Variants in KAZN observed in about 807,000 individuals in gnomAD.
KAZN encodes kazrin, periplakin interacting protein, also known as kazrin.
Under a neutral mutation model 87.4 loss-of-function variants are expected in KAZN, and 40 were observed. That is an observed-to-expected ratio of 0.46 (90% CI 0.36 to 0.60). The LOEUF is 0.60. KAZN is among the 20% of genes least tolerant of loss of function. The probability of loss-of-function intolerance (pLI) is 0.00; values close to 1 mark genes in which losing one functional copy is unlikely to be tolerated. For missense variants in KAZN, 898 were observed against 1,073.9 expected, an observed-to-expected ratio of 0.84 and a Z score of 2.29; for synonymous variants, 466 against 458.3, an observed-to-expected ratio of 1.02 and a Z score of -0.22.
intron 2 of KAZN, among the ~76,000 whole-genome samples, chr1:14,206,946 TTTC>T (rs1646758663): frequency 7.0e-6 from 1 of 143,716 alleles, no homozygotes; most frequent in African/African-American, 2.6e-5. Context: ...CATCCTTTCT[TTTC>T]TTCTTCTTTT....
At chr1:14,625,112 C>T (rs1208955491) in intron 1 of KAZN, among the ~76,000 whole-genome samples, 3 of 152,090 alleles carry the variant, frequency 2.0e-5, no homozygotes, top group Middle Eastern at 3.2e-3. Flanking sequence ...CCCCCGACAC[C>T]GCGTAGTCAT....
chr1:13,903,972 G>C (rs933837490), intron 1 of KAZN, among the ~76,000 whole-genome samples: 2 of 152,252 alleles, frequency 1.3e-5, no homozygotes, highest in Non-Finnish European at 2.9e-5. Flanking sequence ...CTCCAGGAAG[G>C]GATGCGAGCT....
At chr1:14,967,354 G>A (rs1664572135) in intron 2 of KAZN, among the ~76,000 whole-genome samples, 1 of 152,104 alleles carries the variant, frequency 6.6e-6, no homozygotes, top group African/African-American at 2.4e-5. Context: ...CCTCCAGATG[G>A]TCACTCTTCC....
intron 14 of KAZN, 39 bp downstream of exon 14, chr1:15,112,580 C>T (rs1415373199): frequency 6.8e-7 from 1 of 1,466,968 alleles, no homozygotes; most frequent in Non-Finnish European, 9.4e-7. Flanking sequence ...GTCCTGCAGA[C>T]CCGGGAAAGG....
In KAZN at chr1:14,794,318, T is replaced by C. The variant is rs547485955; in HGVS notation, c.227-166366T>C. Among the ~76,000 whole-genome samples the C allele has an allele frequency of 5.9e-5, 9 of 152,330 alleles. No individual in the cohort carries two copies. The South Asian group carries it at 1.7e-3, about 28-fold the overall frequency. ...TTCCTGTGGCATCCAGAATGAAACC[T>C]CAGCAACCATCCCTGGTAGAGTGTC... On this transcript the variant is annotated intron_variant, in intron 1 of 14. Transcript: ENST00000376030.
chr1:14,413,981 CAAG>C (rs1270426131), intron 2 of KAZN, among the ~76,000 whole-genome samples: 1 of 152,110 alleles, frequency 6.6e-6, no homozygotes, highest in Non-Finnish European at 1.5e-5. Flanking sequence ...CAAAGTAAAA[CAAG>C]GAGATCTTTT....
At chr1:14,874,642 A>G (rs1221338432) in intron 1 of KAZN, among the ~76,000 whole-genome samples, 1 of 152,198 alleles carries the variant, frequency 6.6e-6, no homozygotes, top group Non-Finnish European at 1.5e-5. Flanking sequence ...GTGTGCCAGA[A>G]CCAAAAGCTG....
At chr1:14,896,809 T>A (rs1353811540) in intron 1 of KAZN, among the ~76,000 whole-genome samples, 1 of 152,214 alleles carries the variant, frequency 6.6e-6, no homozygotes, top group African/African-American at 2.4e-5. Flanking sequence ...AGCAAGAATG[T>A]AACATTCTTG....
intron 1 of KAZN, among the ~76,000 whole-genome samples, chr1:14,166,610 T>TGTAA (rs80083297): frequency 0.64 from 97,593 of 151,694 alleles, 33,012 homozygotes; most frequent in African/African-American, 0.86. Flanking sequence ...TTGGTACTAT[T>TGTAA]GTGTTACTAT....
intron 1 of KAZN, among the ~76,000 whole-genome samples, chr1:14,099,438 C>A (rs569540694): frequency 1.3e-5 from 2 of 152,284 alleles, no homozygotes; most frequent in African/African-American, 4.8e-5. Flanking sequence ...CCTGTTCCTT[C>A]ACCAGATACT....
At chr1:14,864,248 T>G (rs1444147767) in intron 1 of KAZN, among the ~76,000 whole-genome samples, 1 of 152,226 alleles carries the variant, frequency 6.6e-6, no homozygotes, top group Non-Finnish European at 1.5e-5. Context: ...GGAACTACAA[T>G]GTCAAGGGAC....
chr1:14,173,531 C>T (rs977169719), intron 1 of KAZN, among the ~76,000 whole-genome samples: 2 of 152,150 alleles, frequency 1.3e-5, no homozygotes, highest in Non-Finnish European at 2.9e-5. Flanking sequence ...GGCCACACAG[C>T]CAAGCAGATT....
chr1:15,018,736 C>A (rs1670370495), intron 2 of KAZN, among the ~76,000 whole-genome samples: 1 of 151,998 alleles, frequency 6.6e-6, no homozygotes, highest in Admixed American at 6.6e-5. Flanking sequence ...GGATCCTGGG[C>A]CACGGTGTCT....
chr1:14,605,718 CA>C (rs1677307428), intron 1 of KAZN, among the ~76,000 whole-genome samples: 1 of 152,142 alleles, frequency 6.6e-6, no homozygotes, highest in Non-Finnish European at 1.5e-5. Flanking sequence ...CTCGCTGTCT[CA>C]GGGGTGCCAG....
chr1:15,106,564 AGGGTGGGTTCTTATGTTGTGGTGG>A (rs1484173478), intron 13 of KAZN, among the ~76,000 whole-genome samples: 1 of 152,170 alleles, frequency 6.6e-6, no homozygotes, highest in East Asian at 1.9e-4. Context: ...GGGGACAAAT[AGGGTGGGTTCTTATGTTGTGGTGG>A]GGCAGGGACT....
At chr1:14,667,637 T>C (rs1372474696) in intron 1 of KAZN, among the ~76,000 whole-genome samples, 1 of 152,138 alleles carries the variant, frequency 6.6e-6, no homozygotes, top group Non-Finnish European at 1.5e-5. Context: ...CAGGTTGTAA[T>C]TATTCTGGAA....
At chr1:14,745,368 A>G (rs1359230618) in intron 1 of KAZN, among the ~76,000 whole-genome samples, 1 of 152,200 alleles carries the variant, frequency 6.6e-6, no homozygotes, top group Non-Finnish European at 1.5e-5. Context: ...ATGATAGTAC[A>G]AGAAGGTAAA....
At chr1:15,003,095 A>T (rs78265696) in intron 2 of KAZN, among the ~76,000 whole-genome samples, 1 of 152,056 alleles carries the variant, frequency 6.6e-6, no homozygotes, top group African/African-American at 2.4e-5. Context: ...AAACGAAGGC[A>T]CCAAAGGCCC....
At chr1:14,660,244 T>C (rs1034433866) in intron 1 of KAZN, among the ~76,000 whole-genome samples, 1 of 152,194 alleles carries the variant, frequency 6.6e-6, no homozygotes, top group Non-Finnish European at 1.5e-5. Context: ...CCCCTGCTCT[T>C]GGGAGCTACT....
Sources: allele counts gnomAD v4.1 joint callset (sites outside exome capture counted in the v4.1 genomes callset), GRCh38; gene constraint gnomAD v4.1.1; transcripts MANE v1.5; gene names NCBI Gene and HGNC (gene_info 2026-07-23, HGNC 2026-07-21).